ZHX2: variants seen among roughly 807,000 people sequenced by gnomAD.
The protein encoded by ZHX2 is zinc fingers and homeoboxes 2.
Under a neutral mutation model 21.9 loss-of-function variants are expected in ZHX2, and 6 were observed. That is an observed-to-expected ratio of 0.27 (90% CI 0.15 to 0.54). The LOEUF is 0.54. Ranked by LOEUF, ZHX2 falls within the 20% of genes least tolerant of loss-of-function variation. The pLI, the probability that ZHX2 is intolerant of heterozygous loss-of-function variation, is 0.95. For missense variants in ZHX2, 908 were observed against 1,090.7 expected (o/e 0.83, Z 2.36); for synonymous variants, 434 against 437.1 (o/e 0.99, Z 0.09).
chr8:122,826,025 G>A (rs1383172702), intron 1 of ZHX2, among the ~76,000 whole-genome samples: 1 of 152,132 alleles, frequency 6.6e-6, no homozygotes, highest in East Asian at 1.9e-4. Flanking sequence ...TCCCGAATCT[G>A]TGACTCTAAG....
At chr8:122,959,057 G>A (rs975865958) in intron 3 of ZHX2, among the ~76,000 whole-genome samples, 4 of 152,194 alleles carry the variant, frequency 2.6e-5, no homozygotes, top group Non-Finnish European at 2.9e-5. Context: ...ACATGTGCAA[G>A]CCACCTTCCC....
Position 122,827,361 on chromosome 8 carries a change from C to T in ZHX2, c.-282-36116C>T, listed in dbSNP as rs144813037. Among the ~76,000 whole-genome samples, 18 of 152,014 alleles carry T rather than the reference C, an allele frequency of 1.2e-4. No individual in the cohort carries two copies. The East Asian group carries it at 2.9e-3, about 24-fold the overall frequency. ...CCTACGTAAGCTTTTTTTTAACTACCGAGGATTGTTATTCATTAATATAAT... is the reference window on the plus strand; with the variant it reads ...CCTACGTAAGCTTTTTTTTAACTACTGAGGATTGTTATTCATTAATATAAT... On this transcript the variant is annotated intron_variant, in intron 1 of 3. Coordinates refer to ENST00000314393, the MANE Select transcript of ZHX2 (RefSeq NM_014943.5).
At chr8:122,830,233 CT>C (rs1818345630) in intron 1 of ZHX2, among the ~76,000 whole-genome samples, 1 of 152,140 alleles carries the variant, frequency 6.6e-6, no homozygotes, top group Admixed American at 6.5e-5. Flanking sequence ...AGGAAGTGTC[CT>C]AGTCTGATGT....
intron 1 of ZHX2, among the ~76,000 whole-genome samples, chr8:122,836,495 G>A (rs1207864542): frequency 6.6e-6 from 1 of 152,178 alleles, no homozygotes; most frequent in Non-Finnish European, 1.5e-5. Context: ...GAGAGCGCGC[G>A]TTCGAACCAA....
At chr8:122,935,150 TC>T (rs1812649023) in intron 2 of ZHX2, among the ~76,000 whole-genome samples, 2 of 150,810 alleles carry the variant, frequency 1.3e-5, no homozygotes, top group Non-Finnish European at 2.9e-5. Context: ...TTTTCCTCTC[TC>T]TGTGTCTTTT....
At chr8:122,787,501 A>G (rs1283007080) in intron 1 of ZHX2, among the ~76,000 whole-genome samples, 2 of 152,194 alleles carry the variant, frequency 1.3e-5, no homozygotes, top group African/African-American at 4.8e-5. Context: ...AGGGGTGCAC[A>G]TGTCTAGTTT....
At chr8:122,916,039 G>A (rs760988198) in intron 2 of ZHX2, among the ~76,000 whole-genome samples, 2 of 152,212 alleles carry the variant, frequency 1.3e-5, no homozygotes, top group Non-Finnish European at 2.9e-5. Context: ...CCAGGCACCT[G>A]GGGGAAGGGC....
At chr8:122,932,054 T>C (rs1434360665) in intron 2 of ZHX2, among the ~76,000 whole-genome samples, 1 of 152,200 alleles carries the variant, frequency 6.6e-6, no homozygotes, top group Non-Finnish European at 1.5e-5. Flanking sequence ...GGCAATTTTG[T>C]GGAAACTGAA....
chr8:122,835,278 G>A (rs1485617752), intron 1 of ZHX2, among the ~76,000 whole-genome samples: 1 of 152,266 alleles, frequency 6.6e-6, no homozygotes, highest in Non-Finnish European at 1.5e-5. Flanking sequence ...GCTGAAGTAA[G>A]GGCGGGGCAT....
intron 3 of ZHX2, among the ~76,000 whole-genome samples, chr8:122,970,870 C>A (rs74348540): frequency 0.025 from 3,768 of 152,270 alleles, 58 homozygotes; most frequent in Non-Finnish European, 0.036. Flanking sequence ...GGTGCCCCAG[C>A]CCCCTACCTT....
intron 2 of ZHX2, among the ~76,000 whole-genome samples, chr8:122,939,392 G>A (rs550524537): frequency 4.1e-5 from 6 of 144,952 alleles, no homozygotes; most frequent in South Asian, 2.2e-4. Flanking sequence ...GAATCGAGCC[G>A]TCATGAGAGA....
intron 1 of ZHX2, among the ~76,000 whole-genome samples, chr8:122,862,913 C>T (rs183821967): frequency 1.4e-3 from 208 of 152,326 alleles, no homozygotes; most frequent in African/African-American, 4.9e-3. Flanking sequence ...TGAACACATC[C>T]TCAGAACCGG....
chr8:122,961,066 C>T (rs572010973), intron 3 of ZHX2, among the ~76,000 whole-genome samples: 2 of 152,356 alleles, frequency 1.3e-5, no homozygotes, highest in South Asian at 4.1e-4. Context: ...AACAGAATGT[C>T]ACAGGCTGGG....
At chr8:122,904,479 G>C (rs1212450798) in intron 2 of ZHX2, among the ~76,000 whole-genome samples, 2 of 152,104 alleles carry the variant, frequency 1.3e-5, no homozygotes, top group African/African-American at 4.8e-5. Flanking sequence ...CACTCCCTTA[G>C]TGTCAGTTAA....
At chr8:122,913,436 T>C (rs1333303979) in intron 2 of ZHX2, among the ~76,000 whole-genome samples, 3 of 152,182 alleles carry the variant, frequency 2.0e-5, no homozygotes, top group Non-Finnish European at 4.4e-5. Context: ...CCCCTAAAAA[T>C]AATTTCTTCC....
chr8:122,910,828 G>A (rs1182174971), intron 2 of ZHX2, among the ~76,000 whole-genome samples: 1 of 152,096 alleles, frequency 6.6e-6, no homozygotes, highest in Non-Finnish European at 1.5e-5. Context: ...AGGAAGTGGG[G>A]CCATGCATCC....
chr8:122,879,310 G>A (rs939061401), intron 2 of ZHX2, among the ~76,000 whole-genome samples: 5 of 152,006 alleles, frequency 3.3e-5, no homozygotes, highest in African/African-American at 7.2e-5. Flanking sequence ...AGGTTCAAGC[G>A]ATTCTCCTGC....
chr8:122,799,217 A>G (rs904107542), intron 1 of ZHX2, among the ~76,000 whole-genome samples: 1 of 152,182 alleles, frequency 6.6e-6, no homozygotes, highest in African/African-American at 2.4e-5. Context: ...TATGGTGTGC[A>G]GGGCAAGAGA....
At chr8:122,927,224 G>A (rs1285032286) in intron 2 of ZHX2, among the ~76,000 whole-genome samples, 2 of 152,252 alleles carry the variant, frequency 1.3e-5, no homozygotes, top group Non-Finnish European at 2.9e-5. Flanking sequence ...GCCAGGCACA[G>A]TGACTCATGC....
Sources: allele counts gnomAD v4.1 joint callset (sites outside exome capture counted in the v4.1 genomes callset), GRCh38; gene constraint gnomAD v4.1.1; transcripts MANE v1.5; gene names NCBI Gene and HGNC (gene_info 2026-07-23, HGNC 2026-07-21).